STAG1: variants seen among roughly 807,000 people sequenced by gnomAD.
STAG1 encodes cohesin subunit SA-1.
A neutral mutation model predicts 170.9 loss-of-function variants in STAG1; 26 were observed. The observed-to-expected ratio is 0.15, with a 90% CI of 0.11 to 0.21. STAG1 has a LOEUF of 0.21. Among genes scored for constraint, STAG1 ranks in the 10% least tolerant of loss-of-function variants. The pLI is 1.00. For synonymous variants in STAG1, 514 were observed against 497.7 expected (o/e 1.03, Z -0.44); for missense variants, 964 against 1,509.5 (o/e 0.64, Z 5.99).
At chr3:136,416,216 C>T (rs1420992677) in intron 21 of STAG1, among the ~76,000 whole-genome samples, 3 of 152,134 alleles carry the variant, frequency 2.0e-5, no homozygotes, top group Admixed American at 2.0e-4. Context: ...CCATATTGGC[C>T]AGGTTGGTCT....
At chr3:136,616,546 A>C (rs1559911832) in intron 3 of STAG1, among the ~76,000 whole-genome samples, 1 of 152,192 alleles carries the variant, frequency 6.6e-6, no homozygotes, top group Non-Finnish European at 1.5e-5. Flanking sequence ...TGCACATTTA[A>C]GCTCCAAAAA....
chr3:136,545,825 C>A (rs1197517143), intron 5 of STAG1, among the ~76,000 whole-genome samples: 3 of 152,122 alleles, frequency 2.0e-5, no homozygotes, highest in Non-Finnish European at 4.4e-5. Flanking sequence ...AATGATGAGT[C>A]TGTCTCTAGA....
At chr3:136,706,550 G>A (rs1943232359) in intron 1 of STAG1, among the ~76,000 whole-genome samples, 1 of 152,104 alleles carries the variant, frequency 6.6e-6, no homozygotes, top group Non-Finnish European at 1.5e-5. Context: ...ATAAAACACT[G>A]TTAAAAGAAA....
chr3:136,630,805 TAAAG>T (rs1940303530), intron 2 of STAG1, 61 bp downstream of exon 2: 2 of 1,140,910 alleles, frequency 1.8e-6, no homozygotes, highest in African/African-American at 1.6e-5. Context: ...AGCATTTTGA[TAAAG>T]AAATAAGTTG....
rs186689775 is a variant in STAG1 at position 136,341,152 on chromosome 3, C to T, written c.3557+289G>A. Among the ~76,000 whole-genome samples the T allele has an allele frequency of 1.4e-3, 215 of 152,268 alleles. 1 individual carries two copies. Among genetic ancestry groups the T allele is most frequent in the African/African-American group, 4.7e-3 (196 of 41,560 alleles). Reference sequence around the variant, plus strand: ...CTTGAACTCCTGACCTCAAGTGATCCGCCCGCCTCGGCCTCCCAAAGTGCT... The same window carrying T: ...CTTGAACTCCTGACCTCAAGTGATCTGCCCGCCTCGGCCTCCCAAAGTGCT... On this transcript the variant is annotated intron_variant, in intron 31 of 33. Transcript: ENST00000383202.
At chr3:136,455,477 C>T (rs1452721855) in intron 13 of STAG1, among the ~76,000 whole-genome samples, 1 of 152,168 alleles carries the variant, frequency 6.6e-6, no homozygotes, top group Non-Finnish European at 1.5e-5. Context: ...CTGGTCTGGG[C>T]ATCTTTGCAA....
At chr3:136,702,311 T>A (rs929426152) in intron 1 of STAG1, among the ~76,000 whole-genome samples, 1 of 152,184 alleles carries the variant, frequency 6.6e-6, no homozygotes, top group African/African-American at 2.4e-5. Context: ...CCAATAAATA[T>A]TGGTCAATAT....
intron 5 of STAG1, among the ~76,000 whole-genome samples, chr3:136,562,868 G>A (rs1298263858): frequency 6.6e-6 from 1 of 152,202 alleles, no homozygotes; most frequent in African/African-American, 2.4e-5. Context: ...GATTACAGGT[G>A]TGAGTCACGA....
At chr3:136,443,136 T>A (rs569182994) in intron 15 of STAG1, 151 bp downstream of exon 15, 1 of 501,914 alleles carries the variant, frequency 2.0e-6, no homozygotes, top group African/African-American at 1.9e-5. Context: ...GATTGACACA[T>A]CCTTACTTGT....
intron 1 of STAG1, among the ~76,000 whole-genome samples, chr3:136,690,003 G>A (rs1323121170): frequency 3.1e-5 from 4 of 130,648 alleles, no homozygotes; most frequent in South Asian, 4.9e-4. Flanking sequence ...TAGCACCACC[G>A]CACTCTACCC....
intron 14 of STAG1, among the ~76,000 whole-genome samples, chr3:136,444,972 G>A (rs1022460534): frequency 6.6e-6 from 1 of 151,092 alleles, no homozygotes; most frequent in African/African-American, 2.4e-5. Context: ...GTGATCCTCC[G>A]AACTTAGCCC....
rs551533123 is a variant in STAG1 at position 136,411,779 on chromosome 3, T to C, written c.2196+6106A>G. 1.6e-4 allele frequency among the ~76,000 whole-genome samples: 25 copies of C among 152,198 alleles called. No individual in the cohort carries two copies. The South Asian group carries it at 5.2e-3, about 32-fold the overall frequency. On this transcript the variant is annotated intron_variant, in intron 21 of 33. Transcript: ENST00000383202. ...GTCTGTCCAAGATGGTGAAATCCCA[T>C]ATCTACCAATACAAAAATTAGCCGG...
chr3:136,348,598 C>T (rs1484708682), intron 29 of STAG1, among the ~76,000 whole-genome samples: 1 of 151,908 alleles, frequency 6.6e-6, no homozygotes, highest in Non-Finnish European at 1.5e-5. Context: ...AGATGGGAGT[C>T]TTGCTATGTT....
At chr3:136,462,730 A>G (rs918105374) in intron 13 of STAG1, among the ~76,000 whole-genome samples, 6 of 152,216 alleles carry the variant, frequency 3.9e-5, no homozygotes, top group African/African-American at 1.2e-4. Context: ...CCATTTACCT[A>G]ATTTCACCAT....
intron 4 of STAG1, among the ~76,000 whole-genome samples, chr3:136,576,634 A>T (rs890335002): frequency 5.9e-5 from 9 of 152,232 alleles, no homozygotes; most frequent in African/African-American, 2.2e-4. Context: ...TCAAGGCTAC[A>T]AAGAGGAAAT....
chr3:136,416,334 A>C (rs778832261), intron 21 of STAG1, among the ~76,000 whole-genome samples: 6 of 152,326 alleles, frequency 3.9e-5, no homozygotes, highest in African/African-American at 1.4e-4. Context: ...TTAATGTCAC[A>C]TAAGTATGTA....
intron 23 of STAG1, among the ~76,000 whole-genome samples, chr3:136,372,672 C>G (rs1937407878): frequency 6.6e-6 from 1 of 150,836 alleles, no homozygotes; most frequent in African/African-American, 2.4e-5. Context: ...CTATGTTGAA[C>G]CAGCCTTGCA....
chr3:136,336,684 T>A lies in STAG1; in HGVS notation c.*1570A>T, dbSNP rs1300350242. ...AGAATTGCTGAATTAGCAGAGAAGA[T>A]ATTTTTGGTGACCAGGTTTTTTTCA... is the stretch of plus-strand genomic sequence containing the variant. On this transcript the variant is annotated 3_prime_UTR_variant, in exon 34 of 34. Transcript: ENST00000383202. 2 of 152,224 alleles carry A rather than the reference T, an allele frequency of 1.3e-5. No homozygotes were observed. The highest frequency in any genetic ancestry group is 4.8e-5 in the African/African-American group (2 of 41,464). The allele number at this position is 152,224 out of a possible 1,614,324, so 9.4% of individuals were successfully genotyped here.
chr3:136,642,550 G>A (rs1559926486), intron 1 of STAG1, among the ~76,000 whole-genome samples: 1 of 152,112 alleles, frequency 6.6e-6, no homozygotes. Context: ...ACAAGCGTGA[G>A]CCACTGCACC....
Sources: gnomAD v4.1 joint callset for allele counts (sites outside exome capture counted in the v4.1 genomes callset) on GRCh38, gnomAD v4.1.1 for gene constraint, MANE v1.5 for transcripts, NCBI Gene and HGNC (gene_info 2026-07-23, HGNC 2026-07-21) for gene names.